The following TMEM131 variants were observed in gnomAD, a reference collection of about 807,000 sequenced individuals.
TMEM131 encodes 2610524E03Rik.
TMEM131 carries 66 observed loss-of-function variants against 211.6 expected under a neutral mutation model. That is an observed-to-expected ratio of 0.31 (90% confidence interval 0.26 to 0.38). The LOEUF (loss-of-function observed/expected upper bound fraction) is 0.38. Ranked by LOEUF, TMEM131 falls within the 10% of genes least tolerant of loss-of-function variation. The pLI, the probability that TMEM131 is intolerant of heterozygous loss-of-function variation, is 1.00. For missense variants in TMEM131, 2,036 were observed against 2,299.3 expected, an observed-to-expected ratio of 0.89 and a Z score of 2.34; for synonymous variants, 844 against 841.3, an observed-to-expected ratio of 1.00 and a Z score of -0.06.
At chr2:97,852,304 G>A (rs1297050592) in intron 5 of TMEM131, among the ~76,000 whole-genome samples, 1 of 151,858 alleles carries the variant, frequency 6.6e-6, no homozygotes, top group Non-Finnish European at 1.5e-5. Flanking sequence ...TGAGATTATA[G>A]GTGCACACCA....
intron 1 of TMEM131, among the ~76,000 whole-genome samples, chr2:97,945,294 G>A (rs986745426): frequency 6.6e-6 from 1 of 152,140 alleles, no homozygotes; most frequent in East Asian, 1.9e-4. Flanking sequence ...GTTGTCAGGG[G>A]CTGGGAAGGA....
At chr2:97,863,594 T>G (rs1674153163) in intron 4 of TMEM131, among the ~76,000 whole-genome samples, 1 of 152,170 alleles carries the variant, frequency 6.6e-6, no homozygotes, top group Non-Finnish European at 1.5e-5. Context: ...GCAAAGTATC[T>G]GAATAGGTAT....
chr2:97,872,256 GA>G (rs1674519295), intron 4 of TMEM131, among the ~76,000 whole-genome samples: 1 of 152,106 alleles, frequency 6.6e-6, no homozygotes. Flanking sequence ...TGAAGGGCCT[GA>G]TACTTTTTAG....
intron 1 of TMEM131, among the ~76,000 whole-genome samples, chr2:97,936,881 A>C (rs1223978675): frequency 1.3e-5 from 2 of 152,214 alleles, no homozygotes; most frequent in East Asian, 3.8e-4. Flanking sequence ...TATTAAATAT[A>C]TTCAAAGAAC....
At chr2:97,783,286 A>G (rs1003464748) in intron 31 of TMEM131, among the ~76,000 whole-genome samples, 8 of 152,160 alleles carry the variant, frequency 5.3e-5, no homozygotes, top group Non-Finnish European at 1.0e-4. Context: ...CATATCCAAC[A>G]GACCTACCCT....
chr2:97,887,096 ACACATGGGTGTTT>A (rs1239606351), intron 4 of TMEM131, among the ~76,000 whole-genome samples: 3 of 151,870 alleles, frequency 2.0e-5, no homozygotes, highest in African/African-American at 7.3e-5. Flanking sequence ...GGGGGTGCAG[ACACATGGGTGTTT>A]AGTTGGCCTT....
At chr2:97,897,251 T>A (rs546321961) in intron 3 of TMEM131, among the ~76,000 whole-genome samples, 1 of 152,104 alleles carries the variant, frequency 6.6e-6, no homozygotes, top group Admixed American at 6.5e-5. Flanking sequence ...TCCTTTCCAA[T>A]CTGATGGCTC....
intron 3 of TMEM131, among the ~76,000 whole-genome samples, chr2:97,905,065 T>C (rs1230618930): frequency 6.6e-6 from 1 of 152,332 alleles, no homozygotes; most frequent in East Asian, 1.9e-4. Context: ...TTTGCCTTTT[T>C]GGTGGTCTTT....
rs778772075 is a variant in TMEM131 at position 97,834,852 on chromosome 2, G to A, written c.878C>T (p.Ala293Val). The A allele has an allele frequency of 1.8e-5, 29 of 1,613,618 alleles. No individual in the cohort carries two copies. The highest frequency in any genetic ancestry group is 1.7e-4 in the Admixed American group (10 of 59,984). The change falls in exon 9 of 41, where the codon GCC becomes GTC. Residue 293 changes from alanine (A) to valine (V), a missense_variant. Coordinates refer to ENST00000186436, the MANE Select transcript of TMEM131 (RefSeq NM_015348.2). ...FSSREADNHT[A>V]FIRIKTNASD... ...AGCATTAGTCTTTATTCTTATGAAG[G>A]CTGTGTGATTATCTGCTTCTCTAGA...
intron 2 of TMEM131, among the ~76,000 whole-genome samples, chr2:97,919,929 T>C (rs538812690): frequency 6.6e-6 from 1 of 152,348 alleles, no homozygotes; most frequent in South Asian, 2.1e-4. Context: ...AAGGAAGAAC[T>C]TGGCATTCAG....
At position 97,757,346 on chromosome 2, in the gene TMEM131, G is replaced by A. The variant is rs1331592341; in HGVS notation, c.5405C>T (p.Thr1802Ile). The A allele has an allele frequency of 6.2e-7, 1 of 1,612,554 alleles. No individual in the cohort carries two copies. Among genetic ancestry groups the A allele is most frequent in the Non-Finnish European group, 8.5e-7 (1 of 1,178,910 alleles). ...LGNTSGLWST[T>I]PFSSSIWSSN... Reference sequence around the variant, plus strand: ...GGACCAAATGGAGCTGCTGAATGGAGTGGTGGACCACAGGCCGCTGGTGTT... The same window carrying A: ...GGACCAAATGGAGCTGCTGAATGGAATGGTGGACCACAGGCCGCTGGTGTT... Residue 1802 changes from threonine to isoleucine, a missense_variant, in exon 41 of 41, where the codon ACT (threonine) becomes ATT (isoleucine). Physicochemically the swap from Thr to Ile is moderately conservative, Grantham distance 89. Transcript: ENST00000186436.
chr2:97,814,284 A>T lies in TMEM131; in HGVS notation c.1397T>A (p.Ile466Asn). 1 of 1,613,988 alleles carries T rather than the reference A, an allele frequency of 6.2e-7. No individual in the cohort carries two copies. Among genetic ancestry groups the T allele is most frequent in the Non-Finnish European group, 8.5e-7 (1 of 1,179,878 alleles). The part of the protein sequence containing the change: ...IYLTNTFSFA[I>N]LIHDVLLPEE... ...TGGTAGCAACACATCGTGAATGAGG[A>T]TCGCAAAACTGAAAGTGTTAGTAAG... The change falls in exon 14 of 41, where the codon ATC (isoleucine) becomes AAC (asparagine). Residue 466 changes from isoleucine (I) to asparagine (N), a missense_variant. Physicochemically the swap from Ile to Asn is moderately radical, Grantham distance 149. Transcript: ENST00000186436.
intron 12 of TMEM131, among the ~76,000 whole-genome samples, chr2:97,817,521 CAT>C (rs1681888763): frequency 6.6e-6 from 1 of 152,222 alleles, no homozygotes; most frequent in Non-Finnish European, 1.5e-5. Context: ...CTCTCAGCAG[CAT>C]AGAGAACACT....
intron 11 of TMEM131, among the ~76,000 whole-genome samples, chr2:97,822,593 GGT>G (rs1682180884): frequency 6.6e-6 from 1 of 152,110 alleles, no homozygotes; most frequent in Non-Finnish European, 1.5e-5. Flanking sequence ...TCCTCTTTGT[GGT>G]ATAGGAGGAC....
chr2:97,938,570 A>G (rs1573584771), intron 1 of TMEM131, among the ~76,000 whole-genome samples: 2 of 152,184 alleles, frequency 1.3e-5, no homozygotes, highest in African/African-American at 4.8e-5. Context: ...CTCCCACACA[A>G]TAATAATGGG....
intron 8 of TMEM131, 149 bp from the exon 9 acceptor site, chr2:97,835,074 AAC>A: frequency 1.3e-6 from 1 of 742,410 alleles, no homozygotes; most frequent in East Asian, 2.7e-5. Flanking sequence ...ACCAATATGT[AAC>A]ACACACTCCA....
At chr2:97,853,025 GATTT>G (rs1248475894) in intron 5 of TMEM131, among the ~76,000 whole-genome samples, 1 of 152,206 alleles carries the variant, frequency 6.6e-6, no homozygotes, top group Non-Finnish European at 1.5e-5. Flanking sequence ...TCAGAAAAAA[GATTT>G]CTTTCCAAAT....
At chr2:97,832,398 T>C (rs554237221) in intron 11 of TMEM131, among the ~76,000 whole-genome samples, 2 of 152,362 alleles carry the variant, frequency 1.3e-5, no homozygotes, top group South Asian at 4.1e-4. Flanking sequence ...GGAGAAATGC[T>C]AGGTCAGATA....
intron 11 of TMEM131, among the ~76,000 whole-genome samples, chr2:97,826,634 G>A (rs1682399693): frequency 6.6e-6 from 1 of 151,930 alleles, no homozygotes; most frequent in African/African-American, 2.4e-5. Flanking sequence ...GAAACAGTGA[G>A]AGAGGGGAAG....
Sources: gnomAD v4.1 joint callset for allele counts (sites outside exome capture counted in the v4.1 genomes callset) on GRCh38, gnomAD v4.1.1 for gene constraint, MANE v1.5 for transcripts, NCBI Gene and HGNC (gene_info 2026-07-23, HGNC 2026-07-21) for gene names.